Variants in HIRA observed in about 807,000 individuals in gnomAD.
The protein encoded by HIRA is histone cell cycle regulator.
A neutral mutation model predicts 126.6 loss-of-function variants in HIRA; 13 were observed. That is an observed-to-expected ratio of 0.10 (90% CI 0.07 to 0.16). The LOEUF (loss-of-function observed/expected upper bound fraction) is 0.16, where lower values mean the gene tolerates loss of function less well. Among genes scored for constraint, HIRA ranks in the 10% least tolerant of loss-of-function variants. HIRA has a pLI of 1.00. For synonymous variants in HIRA, 511 were observed against 520.0 expected, an observed-to-expected ratio of 0.98 and a Z score of 0.24; for missense variants, 834 against 1,314.4, an observed-to-expected ratio of 0.63 and a Z score of 5.65.
chr22:19,358,591 C>T (rs1390196925), intron 18 of HIRA, among the ~76,000 whole-genome samples: 3 of 152,156 alleles, frequency 2.0e-5, no homozygotes, highest in Non-Finnish European at 2.9e-5. Context: ...ACAGTGGGGT[C>T]CCCTAGGCCT....
rs188715844 is a variant in HIRA at position 19,345,533 on chromosome 22, T to A, written c.2937+5825A>T. Among the ~76,000 whole-genome samples the A allele has an allele frequency of 2.0e-4, 31 of 152,158 alleles. 1 individual carries two copies. The East Asian group carries it at 4.1e-3, about 20-fold the overall frequency. On this transcript the variant is annotated intron_variant, in intron 24 of 24. Coordinates refer to ENST00000263208, the MANE Select transcript of HIRA (RefSeq NM_003325.4). ...AACCTTTTCGGCACCCAGGACTGGT[T>A]TTTTTTTATGGACCAGTGGGGGAGG...
chr22:19,333,188 G>A (rs2088514311), intron 24 of HIRA, among the ~76,000 whole-genome samples: 2 of 152,160 alleles, frequency 1.3e-5, no homozygotes, highest in Non-Finnish European at 2.9e-5. Flanking sequence ...GATTAAAGGC[G>A]TGAGCCACTA....
intron 13 of HIRA, among the ~76,000 whole-genome samples, chr22:19,382,916 T>G (rs745684118): frequency 6.6e-6 from 1 of 152,150 alleles, no homozygotes; most frequent in Non-Finnish European, 1.5e-5. Flanking sequence ...GAAATATGTT[T>G]GGGAGCCCTA....
At chr22:19,372,695 C>T (rs1243087431) in intron 15 of HIRA, among the ~76,000 whole-genome samples, 9 of 151,496 alleles carry the variant, frequency 5.9e-5, no homozygotes, top group Non-Finnish European at 1.2e-4. Context: ...TCTCAGCCTA[C>T]TGAGTAGCTG....
intron 7 of HIRA, among the ~76,000 whole-genome samples, chr22:19,395,804 C>T (rs2089218975): frequency 6.6e-6 from 1 of 152,178 alleles, no homozygotes; most frequent in African/African-American, 2.4e-5. Context: ...GAGACTCCAT[C>T]TCAATCCACT....
intron 15 of HIRA, among the ~76,000 whole-genome samples, chr22:19,363,119 AG>A (rs1165247655): frequency 1.3e-5 from 2 of 151,274 alleles, no homozygotes; most frequent in Non-Finnish European, 2.9e-5. Context: ...CTGTAGTCCC[AG>A]CTACTCGGCA....
At chr22:19,365,339 C>G (rs888777778) in intron 15 of HIRA, among the ~76,000 whole-genome samples, 5 of 152,208 alleles carry the variant, frequency 3.3e-5, no homozygotes, top group African/African-American at 1.2e-4. Context: ...TCATCTAGGA[C>G]TTTCCTAGCT....
chr22:19,415,938 G>T (rs1247475361), intron 1 of HIRA, among the ~76,000 whole-genome samples: 1 of 151,866 alleles, frequency 6.6e-6, no homozygotes, highest in Non-Finnish European at 1.5e-5. Flanking sequence ...ACAGTCAAAA[G>T]AATCTTCAAA....
intron 17 of HIRA, 41 bp from the exon 18 acceptor site, chr22:19,359,525 G>A (rs559082146): frequency 1.9e-5 from 29 of 1,515,630 alleles, no homozygotes; most frequent in Middle Eastern, 3.5e-4. Flanking sequence ...GACAAGGGCC[G>A]CAGCCCAGGT....
intron 5 of HIRA, among the ~76,000 whole-genome samples, chr22:19,402,446 T>C (rs2089276721): frequency 6.6e-6 from 1 of 152,230 alleles, no homozygotes; most frequent in African/African-American, 2.4e-5. Flanking sequence ...CTCTGTATAA[T>C]TCTCTTTTTA....
intron 15 of HIRA, among the ~76,000 whole-genome samples, chr22:19,368,393 A>G (rs2088933720): frequency 6.6e-6 from 1 of 152,066 alleles, no homozygotes; most frequent in Non-Finnish European, 1.5e-5. Context: ...AATATTCTGG[A>G]AGTCCTGAGT....
intron 19 of HIRA, 21 bp downstream of exon 19, chr22:19,356,869 C>G: frequency 6.2e-7 from 1 of 1,612,584 alleles, no homozygotes; most frequent in Non-Finnish European, 8.5e-7. Context: ...AAGCCCACCC[C>G]ACCCTGTGCC....
intron 5 of HIRA, 35 bp downstream of exon 5, chr22:19,405,751 G>A: frequency 7.4e-7 from 1 of 1,345,686 alleles, no homozygotes; most frequent in East Asian, 2.8e-5. Context: ...CCAGGTGTCA[G>A]GGGCCCACCC....
intron 15 of HIRA, among the ~76,000 whole-genome samples, chr22:19,374,709 A>G (rs551068180): frequency 3.3e-5 from 5 of 152,276 alleles, no homozygotes; most frequent in Admixed American, 1.3e-4. Flanking sequence ...CAGGTCACAT[A>G]CAAATGCTCC....
chr22:19,372,463 TATA>T (rs1569298889), intron 15 of HIRA, among the ~76,000 whole-genome samples: 1 of 152,240 alleles, frequency 6.6e-6, no homozygotes, highest in Non-Finnish European at 1.5e-5. Context: ...AAGTTATTTA[TATA>T]ATTTAAATTC....
chr22:19,356,789 A>C, intron 19 of HIRA, 101 bp downstream of exon 19: 1 of 1,212,548 alleles, frequency 8.2e-7, no homozygotes, highest in Non-Finnish European at 1.2e-6. Flanking sequence ...CCTGATGGCC[A>C]GCCTTGTCCA....
At chr22:19,428,796 T>G (rs2089508040) in intron 1 of HIRA, among the ~76,000 whole-genome samples, 1 of 152,096 alleles carries the variant, frequency 6.6e-6, no homozygotes, top group Non-Finnish European at 1.5e-5. Context: ...AAAAAAAAAG[T>G]TATGTTTGTG....
intron 15 of HIRA, among the ~76,000 whole-genome samples, chr22:19,369,662 G>T (rs1183795322): frequency 6.6e-6 from 1 of 152,024 alleles, no homozygotes; most frequent in East Asian, 1.9e-4. Flanking sequence ...GGCCAGGTGC[G>T]GTGGCTCACA....
chr22:19,378,824 C>A (rs1463537909), intron 13 of HIRA, among the ~76,000 whole-genome samples: 1 of 152,154 alleles, frequency 6.6e-6, no homozygotes, highest in Non-Finnish European at 1.5e-5. Flanking sequence ...GGAATTGTAG[C>A]AGCAAATGAA....
Sources: allele counts gnomAD v4.1 joint callset (sites outside exome capture counted in the v4.1 genomes callset), GRCh38; gene constraint gnomAD v4.1.1; transcripts MANE v1.5; gene names NCBI Gene and HGNC (gene_info 2026-07-23, HGNC 2026-07-21).